Variants in PRKG1 observed in about 807,000 individuals in gnomAD.
PRKG1 encodes protein kinase cGMP-dependent 1.
Under a neutral mutation model 88.1 loss-of-function variants are expected in PRKG1, and 35 were observed. That is an observed-to-expected ratio of 0.40 (90% CI 0.30 to 0.53). The LOEUF is 0.53. PRKG1 is among the 20% of genes least tolerant of loss of function. The probability of loss-of-function intolerance (pLI) is 0.59; values close to 1 mark genes in which losing one functional copy is unlikely to be tolerated. For missense variants in PRKG1, 540 were observed against 839.8 expected (o/e 0.64, Z 4.41); for synonymous variants, 303 against 292.5 (o/e 1.04, Z -0.37).
chr10:51,337,596 A>T (rs1248183354), intron 2 of PRKG1, among the ~76,000 whole-genome samples: 2 of 152,192 alleles, frequency 1.3e-5, no homozygotes, highest in African/African-American at 4.8e-5. Context: ...AAAGGACATG[A>T]AGGGACACTT....
chr10:52,287,546 T>TA (rs1223114596), intron 14 of PRKG1, among the ~76,000 whole-genome samples: 3 of 152,096 alleles, frequency 2.0e-5, no homozygotes, highest in South Asian at 2.1e-4. Flanking sequence ...AAACCTGTAT[T>TA]AAAGAGAGTA....
At chr10:52,136,303 A>G (rs1837419317) in intron 8 of PRKG1, among the ~76,000 whole-genome samples, 1 of 152,072 alleles carries the variant, frequency 6.6e-6, no homozygotes, top group African/African-American at 2.4e-5. Context: ...TGGAGAGCAC[A>G]TATATATGTA....
At chr10:51,543,811 G>C (rs1309136198) in intron 3 of PRKG1, among the ~76,000 whole-genome samples, 1 of 152,186 alleles carries the variant, frequency 6.6e-6, no homozygotes, top group Admixed American at 6.6e-5. Context: ...GATGGTCATA[G>C]AGATTGTCCT....
chr10:51,183,135 A>C (rs1015425710), intron 2 of PRKG1, among the ~76,000 whole-genome samples: 1 of 152,202 alleles, frequency 6.6e-6, no homozygotes, highest in African/African-American at 2.4e-5. Context: ...AGAAATATTC[A>C]AGTTATTATC....
rs1351878638 is a variant in PRKG1 at position 52,272,294 on chromosome 10, C to G, written c.1314-98C>G. On this transcript the variant is annotated intron_variant, in intron 11 of 17. Coordinates refer to ENST00000373980, the MANE Select transcript of PRKG1 (RefSeq NM_006258.4). ...TCTCTCATTCTGACAAAATTTTGAG[C>G]TTGGCAAATCAAAACTATAATCTGG... is the stretch of plus-strand genomic sequence containing the variant. 4.1e-5 allele frequency: 36 copies of G among 878,212 alleles called. 1 individual carries two copies. Among genetic ancestry groups the G allele is most frequent in the Non-Finnish European group, 5.6e-5 (33 of 584,156 alleles). The allele number at this position is 878,212 out of a possible 1,614,324, so 54.4% of individuals were successfully genotyped here.
At chr10:52,136,053 C>T (rs1417570993) in intron 8 of PRKG1, among the ~76,000 whole-genome samples, 1 of 151,920 alleles carries the variant, frequency 6.6e-6, no homozygotes, top group Admixed American at 6.6e-5. Flanking sequence ...GTGTTACAAG[C>T]TGAGAGGCAT....
intron 14 of PRKG1, among the ~76,000 whole-genome samples, chr10:52,285,088 G>T (rs1842086299): frequency 2.0e-5 from 3 of 151,880 alleles, no homozygotes; most frequent in Non-Finnish European, 2.9e-5. Context: ...GGTCAGAAAG[G>T]GTCCCAGGGA....
intron 5 of PRKG1, among the ~76,000 whole-genome samples, chr10:51,941,574 G>T (rs1362972642): frequency 2.6e-5 from 4 of 151,480 alleles, no homozygotes; most frequent in African/African-American, 9.7e-5. Context: ...TTAACATTAG[G>T]TATATCTCCT....
At chr10:51,240,033 C>T (rs1160302798) in intron 2 of PRKG1, among the ~76,000 whole-genome samples, 1 of 152,176 alleles carries the variant, frequency 6.6e-6, no homozygotes, top group Admixed American at 6.5e-5. Flanking sequence ...CCACATGGCT[C>T]CCAGGCTTTC....
intron 13 of PRKG1, among the ~76,000 whole-genome samples, chr10:52,281,559 T>C (rs1252792556): frequency 1.3e-5 from 2 of 152,134 alleles, no homozygotes; most frequent in African/African-American, 4.8e-5. Context: ...ACCAAATCGT[T>C]TTAGAAAAAA....
At chr10:51,713,622 A>G (rs1380827238) in intron 3 of PRKG1, among the ~76,000 whole-genome samples, 1 of 152,252 alleles carries the variant, frequency 6.6e-6, no homozygotes, top group Non-Finnish European at 1.5e-5. Context: ...TTTGGTAAAG[A>G]AAAACACGTA....
Position 51,237,946 on chromosome 10 carries a change from C to T in PRKG1, c.478+84616C>T, listed in dbSNP as rs146843235. Among the ~76,000 whole-genome samples the T allele has an allele frequency of 6.6e-5, 10 of 152,082 alleles. No individual in the cohort carries two copies. In the East Asian group the frequency reaches 1.6e-3, roughly 24 times the overall value. ...TGAATTCTAGATTTATCTCACTTAA[C>T]GATATCTATAGTATGTTTACATACT... On this transcript the variant is annotated intron_variant, in intron 2 of 17. Transcript: ENST00000373980.
intron 3 of PRKG1, chr10:51,696,297 C>T (rs1841290420): frequency 6.6e-6 from 1 of 152,118 alleles, no homozygotes. Flanking sequence ...AGCAAATGGA[C>T]ACCATCTGTA....
intron 13 of PRKG1, 78 bp from the exon 14 acceptor site, chr10:52,282,075 A>G (rs762076195): frequency 1.8e-5 from 23 of 1,291,930 alleles, no homozygotes; most frequent in Non-Finnish European, 2.4e-5. Context: ...TATCATCATC[A>G]GTGTGCTTCA....
rs375437880 is a variant in PRKG1 at position 51,393,309 on chromosome 10, C to A, written c.479-74414C>A. On this transcript the variant is annotated intron_variant, in intron 2 of 17. Transcript: ENST00000373980. ...CTCACTTCCCAGATGGGATGGCGGC[C>A]GGGAAGAGGCGCTCCTCACTTCCTA... Among the ~76,000 whole-genome samples the A allele has an allele frequency of 3.3e-5, 5 of 150,842 alleles. No individual in the cohort carries two copies. In the East Asian group the frequency reaches 9.8e-4, roughly 30 times the overall value.
chr10:52,059,413 A>G (rs1417753913), intron 6 of PRKG1, among the ~76,000 whole-genome samples: 1 of 129,538 alleles, frequency 7.7e-6, no homozygotes, highest in Non-Finnish European at 1.6e-5. Context: ...AGAAATAAAC[A>G]AATTGTGTCA....
chr10:51,704,761 T>C (rs1413366203), intron 3 of PRKG1, among the ~76,000 whole-genome samples: 2 of 152,122 alleles, frequency 1.3e-5, no homozygotes, highest in Admixed American at 6.6e-5. Context: ...TGACAAAAGA[T>C]GGGCTTCTGG....
intron 2 of PRKG1, among the ~76,000 whole-genome samples, chr10:51,283,055 A>G (rs943868151): frequency 1.3e-5 from 2 of 152,088 alleles, no homozygotes; most frequent in African/African-American, 2.4e-5. Flanking sequence ...TTACTTACAC[A>G]TGACCCATAT....
At chr10:51,147,778 T>C (rs1845977399) in intron 1 of PRKG1, among the ~76,000 whole-genome samples, 1 of 152,188 alleles carries the variant, frequency 6.6e-6, no homozygotes, top group Admixed American at 6.5e-5. Flanking sequence ...ACAGTTTTAA[T>C]TTCCTCATGA....
Sources: gnomAD v4.1 joint callset for allele counts (sites outside exome capture counted in the v4.1 genomes callset) on GRCh38, gnomAD v4.1.1 for gene constraint, MANE v1.5 for transcripts, NCBI Gene and HGNC (gene_info 2026-07-23, HGNC 2026-07-21) for gene names.